Variants in CACNA1B observed in about 807,000 individuals in gnomAD.
CACNA1B encodes the protein calcium voltage-gated channel subunit alpha1 B.
In CACNA1B, 70 loss-of-function variants were observed where a neutral mutation model predicts 247.2. The observed-to-expected ratio is 0.28, with a 90% confidence interval of 0.23 to 0.35. The LOEUF (loss-of-function observed/expected upper bound fraction) is 0.35, where lower values mean the gene tolerates loss of function less well. CACNA1B is among the 10% of genes least tolerant of loss of function. The pLI is 1.00. For synonymous variants in CACNA1B, 1,231 were observed against 1,294.4 expected (o/e 0.95, Z 1.05); for missense variants, 2,367 against 3,197.4 (o/e 0.74, Z 6.26).
chr9:138,041,801 C>A (rs1014262948), intron 20 of CACNA1B, among the ~76,000 whole-genome samples: 1 of 152,168 alleles, frequency 6.6e-6, no homozygotes, highest in Admixed American at 6.5e-5. Context: ...GTCACCCAGA[C>A]TGGAGTACAG....
rs1002427048 is a variant in CACNA1B at position 138,094,932 on chromosome 9, C to T, written c.5095-1552C>T. Among the ~76,000 whole-genome samples, 11 of 152,058 alleles carry T rather than the reference C, an allele frequency of 7.2e-5. No individual in the cohort carries two copies. The East Asian group carries it at 2.1e-3, about 29-fold the overall frequency. On this transcript the variant is annotated intron_variant, in intron 36 of 46. Transcript: ENST00000371372. ...CCACATGCAAAAGAATGAGGTTGGA[C>T]CTCTACCTCACTCAATATACAAAAT...
rs115002974 is a variant in CACNA1B at position 138,078,062 on chromosome 9, C to T, written c.4950-52C>T. ...GCACGCTTGGTAGCCCCACAGGGCT[C>T]GGGCTCCCTCAAGGGCCTCTGTGGG... On this transcript the variant is annotated intron_variant, in intron 35 of 46. Coordinates refer to ENST00000371372, the MANE Select transcript of CACNA1B (RefSeq NM_000718.4). 1,637 of 1,575,460 alleles carry T rather than the reference C, an allele frequency of 1.0e-3. 12 individuals are homozygous for T. The African/African-American group carries it at 0.02, about 19-fold the overall frequency.
intron 42 of CACNA1B, among the ~76,000 whole-genome samples, chr9:138,116,067 C>T (rs549998200): frequency 1.3e-5 from 2 of 152,348 alleles, no homozygotes; most frequent in East Asian, 3.9e-4. Flanking sequence ...ACCACCACGT[C>T]CCATTCCCAA....
At chr9:137,941,830 C>T (rs767912410) in intron 6 of CACNA1B, among the ~76,000 whole-genome samples, 1 of 152,118 alleles carries the variant, frequency 6.6e-6, no homozygotes, top group Admixed American at 6.5e-5. Flanking sequence ...AAAATCAACT[C>T]AAGATGGATC....
chr9:137,937,534 A>AGT (rs1957681999), intron 6 of CACNA1B, among the ~76,000 whole-genome samples: 1 of 152,182 alleles, frequency 6.6e-6, no homozygotes, highest in Non-Finnish European at 1.5e-5. Flanking sequence ...ATCAAGGAAA[A>AGT]CTTCCCTAGC....
rs1450808395 is a variant in CACNA1B, at chr9:137,974,045, G to A, written c.1544-1862G>A. 1.3e-5 allele frequency among the ~76,000 whole-genome samples: 2 copies of A among 152,204 alleles called. No homozygotes were observed. Among genetic ancestry groups the A allele is most frequent in the Non-Finnish European group, 2.9e-5 (2 of 68,032 alleles). ...CGAGCCCCTCGTGTGGGGAGCCCGAGGCCTTTGTGACCCACGCAGAGGGGC... is the reference window on the plus strand; with the variant it reads ...CGAGCCCCTCGTGTGGGGAGCCCGAAGCCTTTGTGACCCACGCAGAGGGGC... On this transcript the variant is annotated intron_variant, in intron 11 of 46. Transcript: ENST00000371372. This position sits in a 1 kb window ranked among gnomAD's most constrained non-coding sequence, Gnocchi z 4.5.
chr9:137,912,555 T>C (rs1243185287), intron 3 of CACNA1B, among the ~76,000 whole-genome samples: 1 of 152,226 alleles, frequency 6.6e-6, no homozygotes, highest in African/African-American at 2.4e-5. Context: ...AGAAATGCTC[T>C]GTGGTAGAAG....
chr9:138,038,762 G>A (rs1959078593), intron 20 of CACNA1B, among the ~76,000 whole-genome samples: 1 of 152,234 alleles, frequency 6.6e-6, no homozygotes, highest in African/African-American at 2.4e-5. Flanking sequence ...TCACCTCACG[G>A]TGTGCTTCTG....
At chr9:137,939,392 G>A (rs1355713415) in intron 6 of CACNA1B, among the ~76,000 whole-genome samples, 1 of 152,090 alleles carries the variant, frequency 6.6e-6, no homozygotes, top group Admixed American at 6.6e-5. Context: ...GAATAAAACT[G>A]GAAGTCAACT....
chr9:137,996,498 T>C lies in CACNA1B; in HGVS notation c.1974+9644T>C, dbSNP rs189522633. Among the ~76,000 whole-genome samples the C allele has an allele frequency of 2.5e-4, 38 of 152,186 alleles. No homozygotes were observed. The East Asian group carries it at 5.8e-3, about 23-fold the overall frequency. ...GGCATAAGAATGATACAATGGACTT[T>C]AGGGACTCGAGGGAAAGGGTGGGAG... On this transcript the variant is annotated intron_variant, in intron 15 of 46. Coordinates refer to ENST00000371372, the MANE Select transcript of CACNA1B (RefSeq NM_000718.4).
At chr9:137,921,632 G>A (rs562153572) in intron 6 of CACNA1B, among the ~76,000 whole-genome samples, 9 of 145,508 alleles carry the variant, frequency 6.2e-5, no homozygotes, top group South Asian at 2.2e-4. Flanking sequence ...TAAAGCGTTC[G>A]GAGAACCTGA....
rs1480778450 is a variant in CACNA1B, at chr9:137,950,177, G to A, written c.967-2097G>A. The stretch of plus-strand genomic sequence containing the variant: ...TCCTTACTGCTGGGCGGGGGTGGCC[G>A]GTCTGGCTCCCCACCATGCCTCAAG... On this transcript the variant is annotated intron_variant, in intron 6 of 46. Transcript: ENST00000371372. The surrounding 1 kb of genome is among the most constrained non-coding windows in gnomAD (Gnocchi z 4.8). Among the ~76,000 whole-genome samples, 3 of 152,138 alleles carry A rather than the reference G, an allele frequency of 2.0e-5. No homozygotes were observed. The highest frequency in any genetic ancestry group is 3.9e-4 in the East Asian group (2 of 5,182).
chr9:137,994,187 G>A (rs1175650004), intron 15 of CACNA1B, among the ~76,000 whole-genome samples: 1 of 152,112 alleles, frequency 6.6e-6, no homozygotes, highest in Non-Finnish European at 1.5e-5. Context: ...CAGCATACAC[G>A]AGACATACCT....
intron 3 of CACNA1B, among the ~76,000 whole-genome samples, chr9:137,889,699 C>T (rs559528144): frequency 1.3e-4 from 19 of 148,342 alleles, no homozygotes; most frequent in African/African-American, 4.1e-4. Flanking sequence ...GGCCTCCCAT[C>T]GGGCCTCCAT....
intron 10 of CACNA1B, among the ~76,000 whole-genome samples, chr9:137,959,052 A>G (rs1957981320): frequency 6.6e-6 from 1 of 152,090 alleles, no homozygotes; most frequent in African/African-American, 2.4e-5. Flanking sequence ...ATGTTTTATC[A>G]TCTTATAATT....
intron 44 of CACNA1B, among the ~76,000 whole-genome samples, chr9:138,119,753 C>T (rs1353185459): frequency 3.3e-5 from 5 of 152,176 alleles, no homozygotes; most frequent in East Asian, 1.9e-4. Context: ...GATGCATTGG[C>T]GGCTGTGGGT....
At chr9:138,093,063 A>G (rs2131338154) in intron 36 of CACNA1B, among the ~76,000 whole-genome samples, 1 of 152,338 alleles carries the variant, frequency 6.6e-6, no homozygotes, top group East Asian at 1.9e-4. Flanking sequence ...AATCAAAACC[A>G]CAGTGAAATA....
At chr9:137,939,803 AAAATAAATAAAT>A (rs756173569) in intron 6 of CACNA1B, among the ~76,000 whole-genome samples, 91 of 143,822 alleles carry the variant, frequency 6.3e-4, no homozygotes, top group South Asian at 2.7e-3. Context: ...ACTCCGTCTC[AAAATAAATAAAT>A]AAATAAATAA....
In CACNA1B at chr9:138,112,308, C is replaced by T. The variant is rs866947718; in HGVS notation, c.5429-90C>T. 10 of 867,166 alleles carry T rather than the reference C, an allele frequency of 1.2e-5. No homozygotes were observed. The Middle Eastern group carries it at 1.5e-3, about 131-fold the overall frequency. The allele number at this position is 867,166 out of a possible 1,614,324, so 53.7% of individuals were successfully genotyped here. On this transcript the variant is annotated intron_variant, in intron 39 of 46. Coordinates refer to ENST00000371372, the MANE Select transcript of CACNA1B (RefSeq NM_000718.4). Reference sequence around the variant, plus strand: ...ATCTCCGCCTACACCATTCATCTCCCCACCTGCACCAGCTCTGCCCCATTG... The same window carrying T: ...ATCTCCGCCTACACCATTCATCTCCTCACCTGCACCAGCTCTGCCCCATTG...
Sources: allele counts gnomAD v4.1 joint callset (sites outside exome capture counted in the v4.1 genomes callset), GRCh38; gene constraint gnomAD v4.1.1; non-coding constraint Gnocchi (gnomAD v3.1); transcripts MANE v1.5; gene names NCBI Gene and HGNC (gene_info 2026-07-23, HGNC 2026-07-21).